FLNB: variants seen among roughly 807,000 people sequenced by gnomAD.
FLNB encodes filamin B.
Under a neutral mutation model 250.6 loss-of-function variants are expected in FLNB, and 111 were observed. That is an observed-to-expected ratio of 0.44 (90% CI 0.38 to 0.52). FLNB has a LOEUF of 0.52. Ranked by LOEUF, FLNB falls within the 20% of genes least tolerant of loss-of-function variation. FLNB has a pLI of 0.00. For missense variants in FLNB, 2,869 were observed against 3,447.8 expected, an observed-to-expected ratio of 0.83 and a Z score of 4.20; for synonymous variants, 1,302 against 1,372.1, an observed-to-expected ratio of 0.95 and a Z score of 1.13.
chr3:58,046,990 G>A (rs1182382397), intron 1 of FLNB, among the ~76,000 whole-genome samples: 1 of 152,224 alleles, frequency 6.6e-6, no homozygotes, highest in Non-Finnish European at 1.5e-5. Context: ...GTGTTGGAAT[G>A]TGTAGGATTT....
At chr3:58,026,722 T>TA (rs1311522716) in intron 1 of FLNB, among the ~76,000 whole-genome samples, 2 of 152,182 alleles carry the variant, frequency 1.3e-5, no homozygotes, top group Non-Finnish European at 2.9e-5. Flanking sequence ...TTCCCCCAGT[T>TA]ACTCCTTGGA....
intron 10 of FLNB, 82 bp downstream of exon 10, chr3:58,104,167 C>T: frequency 6.9e-7 from 1 of 1,444,806 alleles, no homozygotes; most frequent in South Asian, 1.2e-5. Flanking sequence ...TCCCGGGCTG[C>T]AGGAGGGAAA....
At chr3:58,153,153 A>G (rs962848391) in intron 38 of FLNB, among the ~76,000 whole-genome samples, 32 of 152,202 alleles carry the variant, frequency 2.1e-4, no homozygotes, top group African/African-American at 7.7e-4. Flanking sequence ...ACCTTTGGCA[A>G]AAAGTCTCAG....
At chr3:58,143,896 G>T (rs1278736766) in intron 32 of FLNB, among the ~76,000 whole-genome samples, 1 of 152,144 alleles carries the variant, frequency 6.6e-6, no homozygotes, top group Non-Finnish European at 1.5e-5. Flanking sequence ...CAAGCTGGGA[G>T]AAAAATGGGA....
chr3:58,083,599 T>A (rs909188287), intron 4 of FLNB, among the ~76,000 whole-genome samples: 7 of 152,092 alleles, frequency 4.6e-5, no homozygotes, highest in Non-Finnish European at 7.4e-5. Context: ...ACTCCTGGCC[T>A]CAGGTGATCT....
At chr3:58,102,123 G>T (rs2097252118) in intron 8 of FLNB, 80 bp from the exon 9 acceptor site, 11 of 1,533,102 alleles carry the variant, frequency 7.2e-6, no homozygotes, top group Middle Eastern at 1.7e-4. Flanking sequence ...TTTCTTGGCG[G>T]GTGGCTCCAG....
chr3:58,087,231 TA>T (rs572083703), intron 4 of FLNB, among the ~76,000 whole-genome samples: 14 of 152,340 alleles, frequency 9.2e-5, no homozygotes, highest in African/African-American at 2.6e-4. Context: ...ATTAAGGAAT[TA>T]TTTTTTTTTA....
chr3:58,111,649 C>G (rs904326108), intron 16 of FLNB, 142 bp from the exon 17 acceptor site: 1 of 688,004 alleles, frequency 1.5e-6, no homozygotes, highest in African/African-American at 1.8e-5. Context: ...TTATCTTACC[C>G]TTCTGTTTAC....
At chr3:58,010,979 A>G (rs1205745907) in intron 1 of FLNB, among the ~76,000 whole-genome samples, 1 of 152,044 alleles carries the variant, frequency 6.6e-6, no homozygotes, top group Non-Finnish European at 1.5e-5. Context: ...CAATGGTGCC[A>G]TCTCTGCTCA....
chr3:58,102,467 C>A, intron 9 of FLNB, 127 bp downstream of exon 9: 1 of 1,084,038 alleles, frequency 9.2e-7, no homozygotes. Flanking sequence ...GGATTTGAGG[C>A]TATCTGGGCT....
rs529159905 is a variant in FLNB, at chr3:58,058,702, C to T, written c.293-18344C>T. ...TTTTTATTGTCCTTTATCTGCAAAA[C>T]TTCTTGAATCCAAATAGCGAGATTC... On this transcript the variant is annotated intron_variant, in intron 1 of 45. Transcript: ENST00000295956. 2.1e-4 allele frequency among the ~76,000 whole-genome samples: 32 copies of T among 152,316 alleles called. No individual in the cohort carries two copies. In the South Asian group the frequency reaches 6.4e-3, roughly 31 times the overall value.
At chr3:58,115,782 ACCCACAAC>A (rs150562168) in intron 18 of FLNB, among the ~76,000 whole-genome samples, 69,626 of 151,472 alleles carry the variant, frequency 0.46, 18,089 homozygotes, top group East Asian at 0.97. Context: ...GCTTGAAGCC[ACCCACAAC>A]CCCACAACCA....
intron 1 of FLNB, among the ~76,000 whole-genome samples, chr3:58,050,061 C>T (rs1254385598): frequency 2.0e-5 from 3 of 146,762 alleles, no homozygotes; most frequent in Admixed American, 6.8e-5. Flanking sequence ...GACAGAGTCT[C>T]GCTCTGTTGA....
At chr3:58,066,409 G>A (rs950495328) in intron 1 of FLNB, among the ~76,000 whole-genome samples, 2 of 151,822 alleles carry the variant, frequency 1.3e-5, no homozygotes, top group Non-Finnish European at 2.9e-5. Context: ...TAGTAGAGAC[G>A]GGTTTCACCG....
intron 18 of FLNB, among the ~76,000 whole-genome samples, chr3:58,114,064 C>T (rs956922802): frequency 1.6e-4 from 24 of 152,206 alleles, no homozygotes; most frequent in Admixed American, 3.9e-4. Flanking sequence ...CATTCCTTTT[C>T]GAGGCTGCAT....
intron 4 of FLNB, among the ~76,000 whole-genome samples, chr3:58,092,107 C>T (rs1355813970): frequency 1.3e-5 from 2 of 152,186 alleles, no homozygotes; most frequent in Non-Finnish European, 2.9e-5. Context: ...ACAGTTTCTG[C>T]TGAAGAGAAC....
intron 3 of FLNB, 58 bp downstream of exon 3, chr3:58,078,872 G>A: frequency 1.5e-6 from 2 of 1,367,816 alleles, no homozygotes; most frequent in Non-Finnish European, 2.1e-6. Flanking sequence ...CTTGTTCTGT[G>A]GATGCCTTCC....
chr3:58,090,556 T>C (rs1351918365), intron 4 of FLNB, among the ~76,000 whole-genome samples: 1 of 152,174 alleles, frequency 6.6e-6, no homozygotes, highest in African/African-American at 2.4e-5. Context: ...ACATGAGTAA[T>C]GCGATGCGTT....
At chr3:58,133,433 T>A (rs1027492321) in intron 26 of FLNB, among the ~76,000 whole-genome samples, 19 of 70,318 alleles carry the variant, frequency 2.7e-4, no homozygotes, top group African/African-American at 1.6e-3. Flanking sequence ...CCCTGACATC[T>A]CTGGAAAAAA....
Sources: allele counts gnomAD v4.1 joint callset (sites outside exome capture counted in the v4.1 genomes callset), GRCh38; gene constraint gnomAD v4.1.1; transcripts MANE v1.5; gene names NCBI Gene and HGNC (gene_info 2026-07-23, HGNC 2026-07-21).